ZNF816: variants seen among roughly 807,000 people sequenced by gnomAD.
ZNF816 encodes the protein zinc finger protein 816.
A neutral mutation model predicts 8.3 loss-of-function variants in ZNF816; 11 were observed. The observed-to-expected ratio is 1.32, with a 90% CI of 0.83 to 2.19. The LOEUF (loss-of-function observed/expected upper bound fraction) is 2.19, where lower values mean the gene tolerates loss of function less well. ZNF816 is among the 30% of genes most tolerant of loss of function. The pLI, the probability that ZNF816 is intolerant of heterozygous loss-of-function variation, is 0.00. For synonymous variants in ZNF816, 255 were observed against 254.5 expected, an observed-to-expected ratio of 1.00 and a Z score of -0.02; for missense variants, 710 against 779.3, an observed-to-expected ratio of 0.91 and a Z score of 1.06.
intron 2 of ZNF816, among the ~76,000 whole-genome samples, chr19:52,954,993 T>C (rs922631593): frequency 2.6e-5 from 4 of 152,018 alleles, no homozygotes; most frequent in Non-Finnish European, 4.4e-5. Context: ...AAGTGCACTT[T>C]TCTTTGGACT....
chr19:52,950,564 T>C lies in ZNF816; in HGVS notation c.1211A>G (p.Asn404Ser), dbSNP rs184260517. The stretch of plus-strand genomic sequence containing the variant: ...AAGGTGTGATCTGCGAATGTAAACA[T>C]TGTCACATTCTTCACATTTGTAAGG... ...EKPYKCEECD[N>S]VYIRRSHLER... The change falls in exon 4 of 4, where the codon AAT (asparagine) becomes AGT (serine). Residue 404 changes from asparagine to serine, a missense_variant. Asn to Ser is a conservative substitution (Grantham distance 46). Transcript: ENST00000444460. 7.4e-6 allele frequency: 12 copies of C among 1,614,138 alleles called. No homozygotes were observed. The highest frequency in any genetic ancestry group is 1.7e-5 in the Admixed American group (1 of 60,020).
chr19:52,955,241 T>A (rs1319999342), intron 2 of ZNF816, among the ~76,000 whole-genome samples: 1 of 152,196 alleles, frequency 6.6e-6, no homozygotes, highest in Non-Finnish European at 1.5e-5. Context: ...GTGCTGAGAA[T>A]GATTTAAAGA....
chr19:52,953,504 AATTATATATAATATATATTT>A (rs2083479368), intron 2 of ZNF816: 1 of 95,588 alleles, frequency 1.0e-5, no homozygotes, highest in Admixed American at 1.0e-4. Flanking sequence ...TTTAATATTT[AATTATATATAATATATATTT>A]ATAATATATA....
At position 52,949,700 on chromosome 19, in the gene ZNF816, AG is replaced by A; in HGVS notation, c.*118del. 6.8e-7 allele frequency: 1 copy of A among 1,471,110 alleles called. No homozygotes were observed. The highest frequency in any genetic ancestry group is 9.5e-7 in the Non-Finnish European group (1 of 1,057,296). The allele number at this position is 1,471,110 out of a possible 1,614,324, so 91.1% of individuals were successfully genotyped here. ...AGTATGAGTTCACTGATGAACTACA[AG>A]TTATGAATGACGTCTGAAAAATTTG... On this transcript the variant is annotated 3_prime_UTR_variant, in exon 4 of 4. Coordinates refer to ENST00000444460, the MANE Select transcript of ZNF816 (RefSeq NM_001202457.3).
At chr19:52,954,032 CTCTT>C (rs1192392638) in intron 2 of ZNF816, among the ~76,000 whole-genome samples, 7 of 105,884 alleles carry the variant, frequency 6.6e-5, no homozygotes, top group Admixed American at 9.8e-5. Flanking sequence ...CAGACTGAGA[CTCTT>C]TCTCAAAAAA....
chr19:52,950,352 G>A lies in ZNF816; in HGVS notation c.1423C>T (p.His475Tyr). The change falls in exon 4 of 4, where the codon CAC becomes TAC. Residue 475 changes from histidine (H) to tyrosine (Y), a missense_variant. His to Tyr is a moderately conservative substitution (Grantham distance 83). Transcript: ENST00000444460. ...CATGTGTAAGGTTTCTCTCCAGTGT[G>A]AAGTGTATGATGGTATTGAAGGGAT... ...KSSLQYHHTLHTGEKPYTCNE... is the reference protein window; with the variant it reads ...KSSLQYHHTLYTGEKPYTCNE... 6.2e-7 allele frequency: 1 copy of A among 1,613,832 alleles called. No homozygotes were observed. The highest frequency in any genetic ancestry group is 1.1e-5 in the South Asian group (1 of 91,062).
At chr19:52,955,182 A>C (rs545533578) in intron 2 of ZNF816, among the ~76,000 whole-genome samples, 7 of 152,278 alleles carry the variant, frequency 4.6e-5, no homozygotes, top group Admixed American at 1.3e-4. Flanking sequence ...TCCCTGTAAA[A>C]AAAACAAAAC....
chr19:52,956,232 A>G, intron 1 of ZNF816, 128 bp from the exon 2 acceptor site: 1 of 1,043,634 alleles, frequency 9.6e-7, no homozygotes, highest in Non-Finnish European at 1.4e-6. Flanking sequence ...TGCACCAGAG[A>G]CCATGCAGAG....
chr19:52,950,886 T>A lies in ZNF816; in HGVS notation c.889A>T (p.Met297Leu). ...CTACGATGGCATACAAGGGATGACA[T>A]CTGAGTGAAGGTCTTCCCACACTCA... is the stretch of plus-strand genomic sequence containing the variant. ...CNECGKTFTQ[M>L]SSLVCHRRLH... Residue 297 changes from methionine to leucine, a missense_variant, in exon 4 of 4, where the codon ATG (methionine) becomes TTG (leucine). Physicochemically the swap from Met to Leu is conservative, Grantham distance 15. Coordinates refer to ENST00000444460, the MANE Select transcript of ZNF816 (RefSeq NM_001202457.3). 4.3e-6 allele frequency: 7 copies of A among 1,614,196 alleles called. No homozygotes were observed. Among genetic ancestry groups the A allele is most frequent in the Non-Finnish European group, 5.9e-6 (7 of 1,180,034 alleles).
chr19:52,955,611 G>A (rs2083503057), intron 2 of ZNF816, among the ~76,000 whole-genome samples: 1 of 152,178 alleles, frequency 6.6e-6, no homozygotes, highest in Non-Finnish European at 1.5e-5. Context: ...ATCTCCCCTA[G>A]TTTGTCTCCT....
chr19:52,953,523 TTATAATA>T (rs931072641), intron 2 of ZNF816: 19 of 44,966 alleles, frequency 4.2e-4, no homozygotes, highest in African/African-American at 4.8e-4. Flanking sequence ...TAATATATAT[TTATAATA>T]TATAATATAT....
rs79991347 is a variant in ZNF816, at chr19:52,951,117, G to A, written c.658C>T (p.Gln220Ter). ...GGTTTTTCTCTCATGCATATTTCCT[G>A]TATTTGTGTGAATGAAGAATGGAGG... ...NFLHSSFTQIQEICMREKPCQ... is the reference protein window; with the variant it reads ...NFLHSSFTQI Residue 220 changes from glutamine (Q) to a stop codon, truncating the protein, a stop_gained, in exon 4 of 4, where the codon CAG becomes TAG. Transcript: ENST00000444460. LOFTEE classifies it low-confidence loss of function (END_TRUNC). The A allele has an allele frequency of 2.7e-4, 443 of 1,613,952 alleles. 3 individuals are homozygous for A. The African/African-American group carries it at 5.2e-3, about 19-fold the overall frequency.
intron 1 of ZNF816, chr19:52,960,173 G>T (rs1019437316): frequency 2.9e-5 from 6 of 204,612 alleles, no homozygotes; most frequent in Non-Finnish European, 4.9e-5. Flanking sequence ...ACAGCGGTGT[G>T]TTACCTGCCG....
chr19:52,956,513 G>C (rs1180751419), intron 1 of ZNF816, among the ~76,000 whole-genome samples: 1 of 152,196 alleles, frequency 6.6e-6, no homozygotes, highest in Non-Finnish European at 1.5e-5. Context: ...GTATTATTGA[G>C]TGTGGGTCCC....
chr19:52,953,353 A>T, intron 2 of ZNF816: 1 of 298,794 alleles, frequency 3.3e-6, no homozygotes, highest in Non-Finnish European at 6.9e-6. Flanking sequence ...AGATCGTGCC[A>T]TTGCACTCCA....
Position 52,951,101 on chromosome 19 carries a change from C to A in ZNF816, c.674G>T (p.Arg225Ile). The A allele has an allele frequency of 6.2e-7, 1 of 1,613,926 alleles. No homozygotes were observed. Among genetic ancestry groups the A allele is most frequent in the South Asian group, 1.1e-5 (1 of 91,068 alleles). ...CTCATTACTTTGGCAAGGTTTTTCTCTCATGCATATTTCCTGTATTTGTGT... is the reference window on the plus strand; with the variant it reads ...CTCATTACTTTGGCAAGGTTTTTCTATCATGCATATTTCCTGTATTTGTGT... ...SFTQIQEICM[R>I]EKPCQSNECG... The change falls in exon 4 of 4, where the codon AGA becomes ATA. Residue 225 changes from arginine (R) to isoleucine (I), a missense_variant. Physicochemically the swap from Arg to Ile is moderately conservative, Grantham distance 97 (BLOSUM62 -3). Coordinates refer to ENST00000444460, the MANE Select transcript of ZNF816 (RefSeq NM_001202457.3).
intron 1 of ZNF816, among the ~76,000 whole-genome samples, chr19:52,959,876 A>G (rs1411403272): frequency 1.3e-5 from 2 of 152,124 alleles, no homozygotes; most frequent in Admixed American, 1.3e-4. Context: ...AGCAACATCC[A>G]CACCCTACTG....
Position 52,950,169 on chromosome 19 carries a change from GT to G in ZNF816, c.1605del (p.Lys535AsnfsTer159), listed in dbSNP as rs745800052. 1 of 1,611,286 alleles carries G rather than the reference GT, an allele frequency of 6.2e-7. No homozygotes were observed. The highest frequency in any genetic ancestry group is 1.7e-5 in the Admixed American group (1 of 59,762). On this transcript the variant is annotated frameshift_variant, in exon 4 of 4. Transcript: ENST00000444460. LOFTEE classifies it low-confidence loss of function (END_TRUNC). The stretch of plus-strand genomic sequence containing the variant: ...TTGTCACAAACCTTACATTTGTATG[GT>G]TTTTCCCCAGTATGAATTCTCCTAT... ...ERHRRIHTGEKPYKCKVCDKA... is the reference protein window; with the variant it reads ...ERHRRIHTGEXPYKCKVCDKA...
intron 1 of ZNF816, among the ~76,000 whole-genome samples, chr19:52,958,966 A>T (rs898092377): frequency 6.6e-6 from 1 of 152,202 alleles, no homozygotes; most frequent in Non-Finnish European, 1.5e-5. Context: ...CCCTGGGGTT[A>T]CCTGACCTGA....
Sources: allele counts gnomAD v4.1 joint callset (sites outside exome capture counted in the v4.1 genomes callset), GRCh38; gene constraint gnomAD v4.1.1; transcripts MANE v1.5; gene names NCBI Gene and HGNC (gene_info 2026-07-23, HGNC 2026-07-21).